The following PLAC1 variants were observed in gnomAD, a reference collection of about 807,000 sequenced individuals.
The protein encoded by PLAC1 is placenta associated 1.
For synonymous variants in PLAC1, 68 were observed against 62.1 expected (o/e 1.09, Z -0.44); for missense variants, 136 against 163.2 (o/e 0.83, Z 0.91).
At chrX:134,691,645 C>T (rs915359503) in intron 2 of PLAC1, among the ~76,000 whole-genome samples, 5 of 111,708 alleles carry the variant, frequency 4.5e-5, no homozygotes, top group Non-Finnish European at 7.5e-5. Context: ...TTCCTTAGGA[C>T]GGCCCTTCTG....
intron 2 of PLAC1, among the ~76,000 whole-genome samples, chrX:134,668,609 G>A (rs1283788775): frequency 8.9e-6 from 1 of 112,739 alleles, no homozygotes; most frequent in Admixed American, 9.3e-5. Context: ...CCTCAAAAGG[G>A]CCTCTAAGGG....
chrX:134,598,216 T>C (rs1020301494), intron 2 of PLAC1, among the ~76,000 whole-genome samples: 1 of 112,058 alleles, frequency 8.9e-6, no homozygotes, highest in East Asian at 2.8e-4. Context: ...TACGTTGTCT[T>C]TGTTGAATGA....
chrX:134,735,429 T>TAA lies in PLAC1; in HGVS notation n.90-1912_90-1911dup, dbSNP rs757211846. Among the ~76,000 whole-genome samples, 629 of 102,296 alleles carry TAA rather than the reference T, an allele frequency of 6.1e-3. 2 individuals are homozygous for TAA. Among genetic ancestry groups the TAA allele is most frequent in the African/African-American group, 6.4e-3 (181 of 28,111 alleles). The allele number at this position is 102,296 out of a possible 115,157, so 88.8% of individuals were successfully genotyped here. A position where few individuals can be genotyped will look rare whatever the true frequency, so the allele number is the denominator to read the frequency against. On this transcript the variant is annotated intron_variant and non_coding_transcript_variant, in intron 1 of 2. Coordinates refer to the PLAC1 transcript ENST00000466797. ...GACAACCTCTGCTCTAAAGATTTGT[T>TAA]AAAAAAAAAAAGAAAGAAAAGAAAA...
chrX:134,688,562 C>T (rs1292342024), intron 2 of PLAC1, among the ~76,000 whole-genome samples: 1 of 112,118 alleles, frequency 8.9e-6, no homozygotes, highest in African/African-American at 3.2e-5. Context: ...GAAATTACAC[C>T]ATGGTTTTTC....
intron 2 of PLAC1, among the ~76,000 whole-genome samples, chrX:134,575,076 C>G (rs1270965390): frequency 9.0e-6 from 1 of 111,132 alleles, no homozygotes; most frequent in Non-Finnish European, 1.9e-5. Context: ...TTCTCCCCTA[C>G]CCCAACTTGA....
chrX:134,654,532 C>T lies in PLAC1; in HGVS notation c.-131+3796G>A, dbSNP rs148306131. On this transcript the variant is annotated intron_variant, in intron 1 of 2. Transcript: ENST00000359237. ...ACTGAAAGAATGAGACAGATCTACA[C>T]GTGGTTATATGGAACAGTCAGGGTG... Among the ~76,000 whole-genome samples the T allele has an allele frequency of 5.4e-3, 601 of 112,157 alleles. 6 individuals are homozygous for T. Among genetic ancestry groups the T allele is most frequent in the Middle Eastern group, 0.018 (4 of 219 alleles).
chrX:134,735,318 C>T (rs1270297677), intron 1 of PLAC1, among the ~76,000 whole-genome samples: 1 of 110,392 alleles, frequency 9.1e-6, no homozygotes, highest in Non-Finnish European at 1.9e-5. Flanking sequence ...ATTTTTGTCT[C>T]ATATCTTTTG....
At chrX:134,603,272 TA>T (rs2078098040) in intron 1 of PLAC1, among the ~76,000 whole-genome samples, 1 of 2,291 alleles carries the variant, frequency 4.4e-4, no homozygotes, top group African/African-American at 1.3e-3. Flanking sequence ...CTGTATTTTA[TA>T]TATATATATA....
chrX:134,582,009 T>C (rs919162271), intron 2 of PLAC1, among the ~76,000 whole-genome samples: 1 of 112,085 alleles, frequency 8.9e-6, no homozygotes, highest in African/African-American at 3.2e-5. Flanking sequence ...CAGGTGCTCA[T>C]TCTATGGGTT....
chrX:134,652,750 A>C (rs752542903), intron 1 of PLAC1, among the ~76,000 whole-genome samples: 3 of 105,645 alleles, frequency 2.8e-5, no homozygotes, highest in Non-Finnish European at 5.8e-5. Flanking sequence ...TGATATATCC[A>C]ATATGCTTAC....
chrX:134,703,136 G>T (rs1475613527), intron 2 of PLAC1, among the ~76,000 whole-genome samples: 1 of 111,666 alleles, frequency 9.0e-6, no homozygotes, highest in African/African-American at 3.3e-5. Context: ...AACAGAAACT[G>T]TAAATTGAAA....
chrX:134,611,535 A>G (rs1243606154), intron 1 of PLAC1, among the ~76,000 whole-genome samples: 4 of 107,552 alleles, frequency 3.7e-5, no homozygotes, highest in Non-Finnish European at 7.7e-5. Context: ...ATACATATGT[A>G]TATATGCATA....
At chrX:134,726,613 A>G (rs1228576881) in intron 2 of PLAC1, among the ~76,000 whole-genome samples, 2 of 110,640 alleles carry the variant, frequency 1.8e-5, no homozygotes, top group Non-Finnish European at 3.8e-5. Context: ...TCATGAGGTC[A>G]GGAGATCGAG....
rs759934662 is a variant in PLAC1, at chrX:134,650,293, G to A, written c.-131+8035C>T. Among the ~76,000 whole-genome samples, 7 of 111,336 alleles carry A rather than the reference G, an allele frequency of 6.3e-5. No homozygotes were observed. The South Asian group carries it at 1.5e-3, about 24-fold the overall frequency. On this transcript the variant is annotated intron_variant, in intron 1 of 2. Transcript: ENST00000359237. ...AACTGTCTTTTGTTATAGGAGTGTC[G>A]GCCATGACCCTTATGATGGGTTAGG...
intron 2 of PLAC1, among the ~76,000 whole-genome samples, chrX:134,592,702 ATCTC>A (rs1401227155): frequency 9.8e-6 from 1 of 102,150 alleles, no homozygotes; most frequent in African/African-American, 3.6e-5. Context: ...CAATCAATCA[ATCTC>A]TCTCTCTGTG....
At chrX:134,735,429 T>TAAA (rs757211846) in intron 1 of PLAC1, among the ~76,000 whole-genome samples, 5 of 102,298 alleles carry the variant, frequency 4.9e-5, no homozygotes, top group African/African-American at 1.8e-4. Flanking sequence ...AAAGATTTGT[T>TAAA]AAAAAAAAAA....
At chrX:134,660,400 C>T (rs1438037553), upstream of PLAC1, among the ~76,000 whole-genome samples, 1 of 112,149 alleles carries the variant, frequency 8.9e-6, no homozygotes, top group Non-Finnish European at 1.9e-5. Context: ...GCCACCATGC[C>T]TGGCCGAAAG....
At chrX:134,734,373 C>A (rs926351264) in intron 1 of PLAC1, among the ~76,000 whole-genome samples, 4 of 112,656 alleles carry the variant, frequency 3.6e-5, no homozygotes, top group Admixed American at 9.3e-5. Flanking sequence ...CCGGGGGGCT[C>A]CCCACAGCTC....
At chrX:134,588,458 C>A (rs1218598247) in intron 2 of PLAC1, among the ~76,000 whole-genome samples, 1 of 109,602 alleles carries the variant, frequency 9.1e-6, no homozygotes, top group Non-Finnish European at 1.9e-5. Context: ...TGGAGTTAGA[C>A]CCTCCTTGTG....
Sources: allele counts gnomAD v4.1 joint callset (sites outside exome capture counted in the v4.1 genomes callset), GRCh38; gene constraint gnomAD v4.1.1; transcripts MANE v1.5; gene names NCBI Gene and HGNC (gene_info 2026-07-23, HGNC 2026-07-21).